CSNK1G3: variants seen among roughly 807,000 people sequenced by gnomAD.
The protein encoded by CSNK1G3 is casein kinase 1 gamma 3.
In CSNK1G3, 23 loss-of-function variants were observed where a neutral mutation model predicts 64.3. That is an observed-to-expected ratio of 0.36 (90% CI 0.26 to 0.51). CSNK1G3 has a LOEUF of 0.51. CSNK1G3 is among the 20% of genes least tolerant of loss of function. The probability of loss-of-function intolerance (pLI) is 0.96; values close to 1 mark genes in which losing one functional copy is unlikely to be tolerated. For missense variants in CSNK1G3, 357 were observed against 510.5 expected (o/e 0.70, Z 2.90); for synonymous variants, 158 against 162.2 (o/e 0.97, Z 0.20).
At chr5:123,549,982 T>C (rs1024829173) in intron 2 of CSNK1G3, among the ~76,000 whole-genome samples, 15 of 152,210 alleles carry the variant, frequency 9.9e-5, no homozygotes, top group African/African-American at 3.4e-4. Context: ...CCTTATTTTA[T>C]TGTTTATGTT....
In CSNK1G3 at chr5:123,609,644, T is replaced by C. The variant is rs573899798; in HGVS notation, c.1217+4282T>C. Reference sequence around the variant, plus strand: ...CTTTTGGGAGAGAGCAAATGGATTTTAAGTGGAAAGAAGAGCATGTGCAAA... The same window carrying C: ...CTTTTGGGAGAGAGCAAATGGATTTCAAGTGGAAAGAAGAGCATGTGCAAA... On this transcript the variant is annotated intron_variant, in intron 12 of 12. Coordinates refer to ENST00000345990, the Ensembl canonical transcript of CSNK1G3. 3.9e-5 allele frequency among the ~76,000 whole-genome samples: 6 copies of C among 152,278 alleles called. No homozygotes were observed. The South Asian group carries it at 1.2e-3, about 32-fold the overall frequency.
chr5:123,551,030 G>T (rs1017442112), intron 2 of CSNK1G3, among the ~76,000 whole-genome samples: 2 of 152,092 alleles, frequency 1.3e-5, no homozygotes, highest in Non-Finnish European at 2.9e-5. Context: ...ACTTTTAGAG[G>T]CATTTGTTAT....
At chr5:123,552,624 ATAT>A (rs1435912039) in intron 2 of CSNK1G3, among the ~76,000 whole-genome samples, 1 of 152,092 alleles carries the variant, frequency 6.6e-6, no homozygotes, top group African/African-American at 2.4e-5. Context: ...ATGTTTTTAA[ATAT>A]TATTTCAGAT....
At chr5:123,530,791 A>C (rs182144351) in intron 1 of CSNK1G3, among the ~76,000 whole-genome samples, 1 of 152,336 alleles carries the variant, frequency 6.6e-6, no homozygotes, top group Non-Finnish European at 1.5e-5. Context: ...CTGGGATAAA[A>C]AAAGTTTCTG....
chr5:123,566,566 C>T (rs1380926727), intron 4 of CSNK1G3, among the ~76,000 whole-genome samples: 1 of 152,080 alleles, frequency 6.6e-6, no homozygotes, highest in Non-Finnish European at 1.5e-5. Flanking sequence ...CCTAACCTAC[C>T]ATTTACGTTG....
chr5:123,570,553 A>C (rs1235628286), intron 4 of CSNK1G3, among the ~76,000 whole-genome samples: 1 of 151,904 alleles, frequency 6.6e-6, no homozygotes, highest in Non-Finnish European at 1.5e-5. Context: ...ATGGGGTTTC[A>C]CCATGTGGGC....
chr5:123,524,972 C>T (rs1370981271), intron 1 of CSNK1G3, among the ~76,000 whole-genome samples: 5 of 152,092 alleles, frequency 3.3e-5, no homozygotes, highest in Non-Finnish European at 7.4e-5. Flanking sequence ...AGCATGTGAA[C>T]CTTATAGGTA....
chr5:123,561,098 T>C (rs1224075132), intron 4 of CSNK1G3, among the ~76,000 whole-genome samples: 1 of 152,226 alleles, frequency 6.6e-6, no homozygotes, highest in African/African-American at 2.4e-5. Flanking sequence ...TGTAAATCCA[T>C]GTTTCTTTCC....
chr5:123,578,206 C>T (rs1789544919), intron 6 of CSNK1G3, among the ~76,000 whole-genome samples: 1 of 151,892 alleles, frequency 6.6e-6, no homozygotes, highest in South Asian at 2.1e-4. Flanking sequence ...GGTCCTATGG[C>T]AGGTATTATT....
intron 4 of CSNK1G3, 76 bp downstream of exon 4, chr5:123,557,640 T>C: frequency 1.1e-6 from 1 of 908,482 alleles, no homozygotes; most frequent in Non-Finnish European, 1.7e-6. Flanking sequence ...GAATGGTATT[T>C]TAAGTTTGGT....
At chr5:123,514,191 G>A (rs1301735276) in intron 1 of CSNK1G3, among the ~76,000 whole-genome samples, 1 of 152,156 alleles carries the variant, frequency 6.6e-6, no homozygotes, top group Non-Finnish European at 1.5e-5. Flanking sequence ...TAATTTTAAT[G>A]TTGTTATGAA....
chr5:123,520,257 A>G (rs1777872169), intron 1 of CSNK1G3, among the ~76,000 whole-genome samples: 1 of 152,200 alleles, frequency 6.6e-6, no homozygotes, highest in Non-Finnish European at 1.5e-5. Context: ...ATATATGTGC[A>G]TATATACTAT....
intron 1 of CSNK1G3, among the ~76,000 whole-genome samples, chr5:123,530,723 T>A (rs1779781959): frequency 6.6e-6 from 1 of 152,286 alleles, no homozygotes; most frequent in Non-Finnish European, 1.5e-5. Context: ...TACAAAGATA[T>A]CACTGAAATC....
intron 2 of CSNK1G3, among the ~76,000 whole-genome samples, chr5:123,548,135 T>A (rs1365742784): frequency 1.3e-5 from 2 of 152,120 alleles, no homozygotes; most frequent in East Asian, 3.8e-4. Flanking sequence ...GGTAGAATAC[T>A]GTCCCAGACA....
intron 8 of CSNK1G3, 49 bp from the exon 9 acceptor site, chr5:123,590,361 T>G: frequency 1.1e-6 from 1 of 921,446 alleles, no homozygotes; most frequent in Admixed American, 3.2e-5. Flanking sequence ...ATTTTATTAC[T>G]GAGTATTAAA....
chr5:123,522,675 G>A (rs902683304), intron 1 of CSNK1G3, among the ~76,000 whole-genome samples: 2 of 152,036 alleles, frequency 1.3e-5, no homozygotes, highest in African/African-American at 2.4e-5. Flanking sequence ...ATGAAGTATT[G>A]TTTAGGGAAT....
At chr5:123,595,780 G>A (rs575370052) in intron 10 of CSNK1G3, among the ~76,000 whole-genome samples, 23 of 151,874 alleles carry the variant, frequency 1.5e-4, no homozygotes, top group South Asian at 1.5e-3. Context: ...CTTAGAGACC[G>A]CTACTATATA....
chr5:123,582,731 A>G (rs1269261888), intron 6 of CSNK1G3, among the ~76,000 whole-genome samples: 2 of 152,140 alleles, frequency 1.3e-5, no homozygotes, highest in African/African-American at 2.4e-5. Context: ...AAAAATGTGA[A>G]CAGGCTTTAA....
intron 4 of CSNK1G3, among the ~76,000 whole-genome samples, chr5:123,573,000 T>C (rs1319116303): frequency 6.6e-6 from 1 of 152,234 alleles, no homozygotes; most frequent in African/African-American, 2.4e-5. Context: ...GCAGTATGCC[T>C]ATCACATGGT....
Sources: allele counts gnomAD v4.1 joint callset (sites outside exome capture counted in the v4.1 genomes callset), GRCh38; gene constraint gnomAD v4.1.1; transcripts MANE v1.5; gene names NCBI Gene and HGNC (gene_info 2026-07-23, HGNC 2026-07-21).